NDOR1: variants seen among roughly 807,000 people sequenced by gnomAD.
NDOR1 encodes the protein NADPH-dependent diflavin oxidoreductase 1.
NDOR1 carries 61 observed loss-of-function variants against 67.2 expected under a neutral mutation model. The ratio of observed to expected loss-of-function variants is 0.91; its 90% CI spans 0.74 to 1.12. NDOR1 has a LOEUF of 1.12. Among genes scored for constraint, NDOR1 ranks in the 50% most tolerant of loss-of-function variants. The pLI, the probability that NDOR1 is intolerant of heterozygous loss-of-function variation, is 0.00. For synonymous variants in NDOR1, 378 were observed against 343.7 expected, an observed-to-expected ratio of 1.10 and a Z score of -1.10; for missense variants, 878 against 802.8, an observed-to-expected ratio of 1.09 and a Z score of -1.13.
rs1415546274 is a variant in NDOR1 at position 137,205,831 on chromosome 9, G to A, written c.54G>A (p.Gln18=). The A allele has an allele frequency of 6.2e-7, 1 of 1,605,250 alleles. No individual in the cohort carries two copies. Among genetic ancestry groups the A allele is most frequent in the Non-Finnish European group, 8.5e-7 (1 of 1,179,664 alleles). Residue 18 remains glutamine, a synonymous_variant, in exon 1 of 14, where the codon CAG becomes CAA. Transcript: ENST00000684003. ...TCGGCAGCCAGACAGGCACGGCTCAGGATGTGTCGGAGAGACTGGGTCGCG... is the reference window on the plus strand; with the variant it reads ...TCGGCAGCCAGACAGGCACGGCTCAAGATGTGTCGGAGAGACTGGGTCGCG... ...VLFGSQTGTA[Q]DVSERLGREA...
At position 137,218,523 on chromosome 9, in the gene NDOR1, T is replaced by C; in HGVS notation, c.*2107T>C. 1 of 400,974 alleles carries C rather than the reference T, an allele frequency of 2.5e-6. No homozygotes were observed. Among genetic ancestry groups the C allele is most frequent in the South Asian group, 1.3e-4 (1 of 7,972 alleles). The allele number at this position is 400,974 out of a possible 1,614,324, so 24.8% of individuals were successfully genotyped here. A position where few individuals can be genotyped will look rare whatever the true frequency, so the allele number is the denominator to read the frequency against. On this transcript the variant is annotated 3_prime_UTR_variant, in exon 14 of 14. Transcript: ENST00000684003. ...CTGCTGAGCCTGCTGGCCCTTGAGC[T>C]TCTGGGGCTGCTGCTGGTCTTCACG... is the stretch of plus-strand genomic sequence containing the variant.
chr9:137,211,408 C>T (rs1835250720), intron 2 of NDOR1, among the ~76,000 whole-genome samples: 1 of 152,172 alleles, frequency 6.6e-6, no homozygotes, highest in Admixed American at 6.5e-5. Flanking sequence ...GAGTGCCCTA[C>T]ACACCCCAAG....
chr9:137,206,633 TTAAGCACATATTC>T (rs1485160820), intron 2 of NDOR1, among the ~76,000 whole-genome samples: 2 of 152,232 alleles, frequency 1.3e-5, no homozygotes, highest in Non-Finnish European at 2.9e-5. Flanking sequence ...TGACCATCTT[TTAAGCACATATTC>T]TATTCTTGGC....
chr9:137,214,400 G>A lies in NDOR1; in HGVS notation c.709G>A (p.Gly237Ser), dbSNP rs764416218. ...TCGGCTGATTGAGTTTGACATCTTG[G>A]GCTCTGGCATCAGGTGGGGACTGCT... ...DVRLIEFDIL[G>S]SGISFAAGDV... The change falls in exon 6 of 14, where the codon GGC becomes AGC. Residue 237 changes from glycine (G) to serine (S), a missense_variant. By Grantham distance (56) the Gly-to-Ser change is moderately conservative (BLOSUM62 0). Transcript: ENST00000684003. The A allele has an allele frequency of 9.3e-6, 15 of 1,613,996 alleles. No homozygotes were observed. The South Asian group carries it at 1.5e-4, about 17-fold the overall frequency.
At chr9:137,213,928 G>A (rs9723246) in intron 4 of NDOR1, 39 bp from the exon 5 acceptor site, 24 of 1,584,160 alleles carry the variant, frequency 1.5e-5, no homozygotes, top group African/African-American at 5.4e-5. Flanking sequence ...CTGGCCACAC[G>A]CAGGGTCCGC....
rs1342216408 is a variant in NDOR1, at chr9:137,212,965, C to T, written c.311+366C>T. On this transcript the variant is annotated intron_variant, in intron 3 of 13. Transcript: ENST00000684003. This position sits in a 1 kb window ranked among gnomAD's most constrained non-coding sequence, Gnocchi z 4.3. Reference sequence around the variant, plus strand: ...CCCAGAGGCCACCTCTGCCTTTTCTCCTGGGCATTTTCACAGTGCTCCTCT... The same window carrying T: ...CCCAGAGGCCACCTCTGCCTTTTCTTCTGGGCATTTTCACAGTGCTCCTCT... The T allele has an allele frequency of 3.5e-6, 1 of 288,206 alleles. No homozygotes were observed. The highest frequency in any genetic ancestry group is 6.7e-6 in the Non-Finnish European group (1 of 148,888). 17.9% of individuals were successfully genotyped at this position (288,206 alleles called of 1,614,324 possible). A position where few individuals can be genotyped will look rare whatever the true frequency, so the allele number is the denominator to read the frequency against.
At position 137,212,872 on chromosome 9, in the gene NDOR1, A is replaced by C; in HGVS notation, c.311+273A>C. 1 of 467,880 alleles carries C rather than the reference A, an allele frequency of 2.1e-6. No individual in the cohort carries two copies. Among genetic ancestry groups the C allele is most frequent in the South Asian group, 2.7e-5 (1 of 37,676 alleles). The allele number at this position is 467,880 out of a possible 1,614,324, so 29.0% of individuals were successfully genotyped here. On this transcript the variant is annotated intron_variant, in intron 3 of 13. Transcript: ENST00000684003. This position sits in a 1 kb window ranked among gnomAD's most constrained non-coding sequence, Gnocchi z 4.3. ...CTACCTGGCGCCGGTCCCCACTTTT[A>C]CAAAAAGGCGTGCTGTGAAGTGTTG...
chr9:137,212,584 ACTC>A lies in NDOR1; in HGVS notation c.300_302del (p.Ser101del). 1 of 1,613,220 alleles carries A rather than the reference ACTC, an allele frequency of 6.2e-7. No individual in the cohort carries two copies. The highest frequency in any genetic ancestry group is 8.5e-7 in the Non-Finnish European group (1 of 1,179,670). On this transcript the variant is annotated inframe_deletion, in exon 3 of 14. Coordinates refer to ENST00000684003, the MANE Select transcript of NDOR1 (RefSeq NM_014434.4). This position sits in a 1 kb window ranked among gnomAD's most constrained non-coding sequence, Gnocchi z 4.3. Reference sequence around the variant, plus strand: ...GACTTTGCCGTCCTGGGCCTCGGGGACTCCTCATACGCCAAGTGAGTAGGGGAT... The same window carrying A: ...GACTTTGCCGTCCTGGGCCTCGGGGACTCATACGCCAAGTGAGTAGGGGAT...
chr9:137,213,779 G>A lies in NDOR1; in HGVS notation c.312-1G>A. On this transcript the variant is annotated splice_acceptor_variant, in intron 3 of 13. Transcript: ENST00000684003. LOFTEE classifies it high-confidence loss of function. ...CAGGACCAGCCTCACTGTCTCCACA[G>A]GTTCAACTTCGTGGCCAAGAAGCTG... 1 of 1,612,554 alleles carries A rather than the reference G, an allele frequency of 6.2e-7. No individual in the cohort carries two copies. The highest frequency in any genetic ancestry group is 8.5e-7 in the Non-Finnish European group (1 of 1,179,560).
chr9:137,205,708 C>T lies in NDOR1; in HGVS notation c.-70C>T. On this transcript the variant is annotated 5_prime_UTR_variant, in exon 1 of 14. Transcript: ENST00000684003. Reference sequence around the variant, plus strand: ...GGCGGAAGGCGGAAGGCGGAGCGGTCCCTGCAACCCGGCCGGCGGGAACTG... The same window carrying T: ...GGCGGAAGGCGGAAGGCGGAGCGGTTCCTGCAACCCGGCCGGCGGGAACTG... 2 of 1,593,072 alleles carry T rather than the reference C, an allele frequency of 1.3e-6. No individual in the cohort carries two copies. Among genetic ancestry groups the T allele is most frequent in the Admixed American group, 1.7e-5 (1 of 59,814 alleles).
chr9:137,213,320 C>T (rs1331144526), intron 3 of NDOR1, among the ~76,000 whole-genome samples: 1 of 152,202 alleles, frequency 6.6e-6, no homozygotes, highest in Non-Finnish European at 1.5e-5. Context: ...CAGGGAGGAG[C>T]GTGACCCAGA....
At chr9:137,206,783 G>A (rs931279420) in intron 2 of NDOR1, among the ~76,000 whole-genome samples, 2 of 152,186 alleles carry the variant, frequency 1.3e-5, no homozygotes, top group African/African-American at 4.8e-5. Context: ...GCTGGGGAAA[G>A]TAGCATATGT....
chr9:137,211,921 G>A (rs2131370297), intron 2 of NDOR1, among the ~76,000 whole-genome samples: 1 of 152,256 alleles, frequency 6.6e-6, no homozygotes, highest in South Asian at 2.1e-4. Flanking sequence ...GGAAGGCACG[G>A]TGTGGAACCA....
At position 137,209,191 on chromosome 9, in the gene NDOR1, A is replaced by G. The variant is rs941938938; in HGVS notation, c.213+2882A>G. 3.9e-5 allele frequency among the ~76,000 whole-genome samples: 6 copies of G among 152,154 alleles called. 1 individual carries two copies. Among genetic ancestry groups the G allele is most frequent in the African/African-American group, 1.4e-4 (6 of 41,442 alleles). On this transcript the variant is annotated intron_variant, in intron 2 of 13. Transcript: ENST00000684003. ...CCACCACACCCGGCCAAAACTTGGC[A>G]TGTTTAATTGCTGGCAGGGGAGAGA...
intron 2 of NDOR1, among the ~76,000 whole-genome samples, chr9:137,211,422 A>G (rs1291837688): frequency 6.6e-6 from 1 of 152,186 alleles, no homozygotes; most frequent in Admixed American, 6.5e-5. Flanking sequence ...CCCCAAGGGC[A>G]GCAAGTGGGG....
In NDOR1 at chr9:137,215,540, G is replaced by A. The variant is rs766911600; in HGVS notation, c.1288+19G>A. The A allele has an allele frequency of 1.2e-4, 197 of 1,612,006 alleles. 1 individual carries two copies. Among genetic ancestry groups the A allele is most frequent in the Middle Eastern group, 6.6e-4 (4 of 6,082 alleles). On this transcript the variant is annotated intron_variant, in intron 10 of 13. Coordinates refer to ENST00000684003, the MANE Select transcript of NDOR1 (RefSeq NM_014434.4). ...GGGCAAGGTGACCCCTGCTCCCAGG[G>A]TGGGGGCCGTGGGCCCATATCCCCT...
chr9:137,211,877 G>T (rs1470013350), intron 2 of NDOR1, among the ~76,000 whole-genome samples: 1 of 151,874 alleles, frequency 6.6e-6, no homozygotes, highest in Admixed American at 6.6e-5. Context: ...TAGGTTCCTT[G>T]GGGGGGCCTC....
At chr9:137,213,384 G>A (rs929182612) in intron 3 of NDOR1, among the ~76,000 whole-genome samples, 3 of 152,162 alleles carry the variant, frequency 2.0e-5, no homozygotes, top group African/African-American at 4.8e-5. Flanking sequence ...CCGGGAAGAT[G>A]CCTGGCTCTC....
At chr9:137,210,997 C>T (rs1243577061) in intron 2 of NDOR1, among the ~76,000 whole-genome samples, 3 of 151,416 alleles carry the variant, frequency 2.0e-5, no homozygotes, top group Non-Finnish European at 2.9e-5. Flanking sequence ...AAAAATTAGC[C>T]GGGCATGGTG....
Sources: gnomAD v4.1 joint callset for allele counts (sites outside exome capture counted in the v4.1 genomes callset) on GRCh38, gnomAD v4.1.1 for gene constraint, Gnocchi (gnomAD v3.1) non-coding constraint, MANE v1.5 for transcripts, NCBI Gene and HGNC (gene_info 2026-07-23, HGNC 2026-07-21) for gene names.